Variants in ACTR3C observed in about 807,000 individuals in gnomAD.
The protein encoded by ACTR3C is actin related protein 3C, also known as actin-related protein 3C.
Under a neutral mutation model 26.3 loss-of-function variants are expected in ACTR3C, and 18 were observed. The ratio of observed to expected loss-of-function variants is 0.68; its 90% CI spans 0.47 to 1.01. The LOEUF is 1.01. Ranked by LOEUF, ACTR3C falls within the 50% of genes least tolerant of loss-of-function variation. ACTR3C has a pLI of 0.00. For synonymous variants in ACTR3C, 55 were observed against 94.5 expected, an observed-to-expected ratio of 0.58 and a Z score of 2.42; for missense variants, 184 against 250.7, an observed-to-expected ratio of 0.73 and a Z score of 1.80.
the ACTR3C span, among the ~76,000 whole-genome samples, chr7:150,182,212 A>G: frequency 1.3e-5 from 2 of 150,520 alleles, 1 homozygote; most frequent in Admixed American, 1.3e-4. Flanking sequence ...ACAAGAAAAC[A>G]CTATAATCTA....
the ACTR3C span, among the ~76,000 whole-genome samples, chr7:149,893,150 C>T: frequency 6.6e-6 from 1 of 152,192 alleles, no homozygotes; most frequent in Non-Finnish European, 1.5e-5. Flanking sequence ...AACTCCTGCT[C>T]ACACTCTCGA....
chr7:150,241,525 T>C (rs1167156812), downstream of ACTR3C, among the ~76,000 whole-genome samples: 1 of 152,244 alleles, frequency 6.6e-6, no homozygotes, highest in African/African-American at 2.4e-5. Context: ...AAATAGATCA[T>C]GGGCTTAAAC....
the ACTR3C span, among the ~76,000 whole-genome samples, chr7:149,972,032 G>C: frequency 2.6e-5 from 4 of 152,152 alleles, no homozygotes; most frequent in Non-Finnish European, 5.9e-5. Flanking sequence ...AACACAATCT[G>C]TGTGCTAACT....
chr7:149,995,404 G>A, the ACTR3C span, among the ~76,000 whole-genome samples: 1 of 148,194 alleles, frequency 6.7e-6, no homozygotes, highest in Admixed American at 6.8e-5. Context: ...AAAGGGAGAG[G>A]AGGACAGGGG....
the ACTR3C span, among the ~76,000 whole-genome samples, chr7:150,173,658 A>G: frequency 7.3e-6 from 1 of 136,744 alleles, no homozygotes; most frequent in African/African-American, 3.2e-5. Flanking sequence ...CTTGCAGAAA[A>G]TAGGTGTTTC....
the ACTR3C span, among the ~76,000 whole-genome samples, chr7:150,108,974 G>A: frequency 3.3e-5 from 5 of 151,908 alleles, no homozygotes; most frequent in East Asian, 7.7e-4. Context: ...CCCACAGACC[G>A]CTGTCTAATG....
chr7:149,896,737 A>C, the ACTR3C span, among the ~76,000 whole-genome samples: 1 of 151,976 alleles, frequency 6.6e-6, no homozygotes, highest in Non-Finnish European at 1.5e-5. Flanking sequence ...ATCAGAGATC[A>C]GGTAAATAAA....
At chr7:150,319,668 A>T (rs1299667296) in intron 1 of ACTR3C, among the ~76,000 whole-genome samples, 4 of 152,120 alleles carry the variant, frequency 2.6e-5, no homozygotes, top group Non-Finnish European at 5.9e-5. Flanking sequence ...TTATTTATTT[A>T]TTGTTTGTTT....
the ACTR3C span, among the ~76,000 whole-genome samples, chr7:149,884,654 A>G: frequency 1.3e-5 from 2 of 152,042 alleles, no homozygotes; most frequent in Non-Finnish European, 2.9e-5. Flanking sequence ...CTGGGATGGA[A>G]GCCATGTCTA....
chr7:150,287,360 A>ATGCTGC (rs147061695), intron 4 of ACTR3C, among the ~76,000 whole-genome samples: 20 of 152,064 alleles, frequency 1.3e-4, no homozygotes, highest in African/African-American at 2.7e-4. Flanking sequence ...AGCCGCCAGG[A>ATGCTGC]TGCTGCTGCT....
At chr7:150,182,045 G>C in the ACTR3C span, among the ~76,000 whole-genome samples, 1 of 150,572 alleles carries the variant, frequency 6.6e-6, no homozygotes, top group Non-Finnish European at 1.5e-5. Flanking sequence ...GAAGTAGTGA[G>C]AGACTGGGGT....
the ACTR3C span, among the ~76,000 whole-genome samples, chr7:150,197,899 T>G: frequency 2.1e-5 from 3 of 141,892 alleles, no homozygotes; most frequent in Non-Finnish European, 4.6e-5. Context: ...CTCCCTCTCA[T>G]GCGGAGCCGA....
At chr7:149,922,809 G>T in the ACTR3C span, among the ~76,000 whole-genome samples, 14 of 151,798 alleles carry the variant, frequency 9.2e-5, no homozygotes, top group South Asian at 2.7e-3. Flanking sequence ...ATGCTACAGA[G>T]AACTTTTCCT....
chr7:150,034,722 G>A, the ACTR3C span, among the ~76,000 whole-genome samples: 6 of 151,624 alleles, frequency 4.0e-5, no homozygotes, highest in South Asian at 1.3e-3. Context: ...AATACCCACA[G>A]TCCTCCAGGT....
chr7:150,236,511 C>T, the ACTR3C span, among the ~76,000 whole-genome samples: 8 of 151,914 alleles, frequency 5.3e-5, no homozygotes, highest in South Asian at 2.1e-4. Flanking sequence ...TATGATTGAT[C>T]GTAGTATATT....
At chr7:150,218,377 T>A in the ACTR3C span, among the ~76,000 whole-genome samples, 1 of 152,154 alleles carries the variant, frequency 6.6e-6, no homozygotes, top group Non-Finnish European at 1.5e-5. Flanking sequence ...GAACTGAATA[T>A]TTTTTTTCCT....
the ACTR3C span, among the ~76,000 whole-genome samples, chr7:150,010,883 A>G: frequency 6.8e-6 from 1 of 147,384 alleles, no homozygotes. Flanking sequence ...TGGATTCACC[A>G]GGGCTCACCA....
chr7:150,007,388 C>T, the ACTR3C span, among the ~76,000 whole-genome samples: 1 of 152,170 alleles, frequency 6.6e-6, no homozygotes, highest in Non-Finnish European at 1.5e-5. Context: ...TGGTCTTGAA[C>T]CCTATGCCAG....
chr7:150,139,228 T>G, the ACTR3C span, among the ~76,000 whole-genome samples: 5 of 152,212 alleles, frequency 3.3e-5, no homozygotes, highest in Non-Finnish European at 5.9e-5. Context: ...AGGTCACAGA[T>G]AAACTCACAG....
Sources: gnomAD v4.1 joint callset for allele counts (sites outside exome capture counted in the v4.1 genomes callset) on GRCh38, gnomAD v4.1.1 for gene constraint, MANE v1.5 for transcripts, NCBI Gene and HGNC (gene_info 2026-07-23, HGNC 2026-07-21) for gene names.